Variants in AFF3 observed in about 807,000 individuals in gnomAD.
The protein encoded by AFF3 is AF4/FMR2 family member 3.
A neutral mutation model predicts 129.7 loss-of-function variants in AFF3; 32 were observed. The ratio of observed to expected loss-of-function variants is 0.25; its 90% CI spans 0.19 to 0.33. The LOEUF (loss-of-function observed/expected upper bound fraction) is 0.33, where lower values mean the gene tolerates loss of function less well. Ranked by LOEUF, AFF3 falls within the 10% of genes least tolerant of loss-of-function variation. AFF3 has a pLI of 1.00. For synonymous variants in AFF3, 644 were observed against 635.4 expected (o/e 1.01, Z -0.20); for missense variants, 1,373 against 1,592.0 (o/e 0.86, Z 2.34).
chr2:100,062,255 C>T (rs1332740915), intron 4 of AFF3, among the ~76,000 whole-genome samples: 1 of 152,176 alleles, frequency 6.6e-6, no homozygotes, highest in East Asian at 1.9e-4. Flanking sequence ...TGGAGGGGCC[C>T]AGCAGAGGAG....
chr2:99,727,902 A>G (rs951773101), intron 10 of AFF3, among the ~76,000 whole-genome samples: 1 of 152,138 alleles, frequency 6.6e-6, no homozygotes, highest in Non-Finnish European at 1.5e-5. Context: ...GTTGCACTGT[A>G]GGTCCCAAGA....
intron 4 of AFF3, among the ~76,000 whole-genome samples, chr2:100,024,619 A>T (rs1339677019): frequency 6.6e-6 from 1 of 151,790 alleles, no homozygotes; most frequent in African/African-American, 2.4e-5. Flanking sequence ...AAAAATAATA[A>T]TAATTATTAT....
chr2:99,718,895 T>C lies in AFF3; in HGVS notation c.1091+8182A>G, dbSNP rs942509296. Among the ~76,000 whole-genome samples, 8 of 151,648 alleles carry C rather than the reference T, an allele frequency of 5.3e-5. No homozygotes were observed. The East Asian group carries it at 1.6e-3, about 29-fold the overall frequency. ...CCTCCCGAGTAGCTGGGACTACAGGTGCCCGCCACCATGCCCGGCTAATTT... is the reference window on the plus strand; with the variant it reads ...CCTCCCGAGTAGCTGGGACTACAGGCGCCCGCCACCATGCCCGGCTAATTT... On this transcript the variant is annotated intron_variant, in intron 11 of 24. Coordinates refer to ENST00000672756, the MANE Select transcript of AFF3 (RefSeq NM_001386135.1).
chr2:100,007,693 G>A (rs548748731), intron 5 of AFF3: 31 of 538,822 alleles, frequency 5.8e-5, no homozygotes, highest in South Asian at 1.1e-4. Context: ...CTATCCGGCC[G>A]GGCGCGGTGG....
At chr2:99,959,761 G>C (rs1398489961) in intron 7 of AFF3, among the ~76,000 whole-genome samples, 1 of 150,710 alleles carries the variant, frequency 6.6e-6, no homozygotes, top group East Asian at 1.9e-4. Context: ...TCAGTCATGT[G>C]TTTCTCCCCT....
intron 8 of AFF3, among the ~76,000 whole-genome samples, chr2:99,803,580 AT>A: frequency 6.6e-6 from 1 of 152,202 alleles, no homozygotes; most frequent in Non-Finnish European, 1.5e-5. Flanking sequence ...AATAAAAAAA[AT>A]CCTAATATTC....
Position 99,678,827 on chromosome 2 carries a change from C to T in AFF3, c.1092-6238G>A, listed in dbSNP as rs113834327. On this transcript the variant is annotated intron_variant, in intron 11 of 24. Transcript: ENST00000672756. Reference sequence around the variant, plus strand: ...CAGTTATTCCCCAAGCCATCATCTCCACTGCTTGGAACACGGGAGGGAAAG... The same window carrying T: ...CAGTTATTCCCCAAGCCATCATCTCTACTGCTTGGAACACGGGAGGGAAAG... 6.9e-3 allele frequency among the ~76,000 whole-genome samples: 1,057 copies of T among 152,342 alleles called. 6 individuals carry two copies. Among genetic ancestry groups the T allele is most frequent in the South Asian group, 0.019 (93 of 4,830 alleles).
chr2:99,996,527 A>ATTTTTTTTTTTTTTTTTTTT (rs756231548), intron 7 of AFF3, among the ~76,000 whole-genome samples: 4 of 114,086 alleles, frequency 3.5e-5, no homozygotes, highest in African/African-American at 1.6e-4. Flanking sequence ...CGCCCGGCTA[A>ATTTTTTTTTTTTTTTTTTTT]TTTTTTTTTT....
chr2:100,128,329 G>A (rs1266508466), intron 2 of AFF3, among the ~76,000 whole-genome samples: 6 of 152,060 alleles, frequency 3.9e-5, no homozygotes, highest in African/African-American at 1.2e-4. Flanking sequence ...AGTCTGGATC[G>A]GGACCACTTT....
intron 8 of AFF3, among the ~76,000 whole-genome samples, chr2:99,789,470 A>G (rs931006581): frequency 6.7e-6 from 1 of 149,832 alleles, no homozygotes. Flanking sequence ...AAAAAAAAAA[A>G]GTAGTTGAGG....
At chr2:99,732,478 T>A (rs2105043044) in intron 10 of AFF3, among the ~76,000 whole-genome samples, 1 of 152,280 alleles carries the variant, frequency 6.6e-6, no homozygotes, top group African/African-American at 2.4e-5. Context: ...TTTCTAAACT[T>A]CATACGACTC....
chr2:99,630,458 A>G (rs1683020843), intron 13 of AFF3: 1 of 152,276 alleles, frequency 6.6e-6, no homozygotes. Context: ...AGGGAGAATC[A>G]ACAGGCATGC....
At chr2:100,015,940 G>A (rs1344937908) in intron 4 of AFF3, among the ~76,000 whole-genome samples, 1 of 151,986 alleles carries the variant, frequency 6.6e-6, no homozygotes, top group Non-Finnish European at 1.5e-5. Flanking sequence ...TGGTTATGAT[G>A]GTGGTGGTGG....
intron 11 of AFF3, among the ~76,000 whole-genome samples, chr2:99,719,982 A>G (rs1027491322): frequency 3.9e-5 from 6 of 152,200 alleles, no homozygotes; most frequent in African/African-American, 1.4e-4. Flanking sequence ...GCTTGCAGTG[A>G]GCTGAGATCG....
At chr2:99,947,017 T>G (rs111628878) in intron 7 of AFF3, among the ~76,000 whole-genome samples, 281 of 152,350 alleles carry the variant, frequency 1.8e-3, no homozygotes, top group Non-Finnish European at 2.9e-3. Flanking sequence ...AGATATATTA[T>G]TTGATTCGGT....
At chr2:99,801,992 C>T (rs1685977773) in intron 8 of AFF3, among the ~76,000 whole-genome samples, 1 of 152,112 alleles carries the variant, frequency 6.6e-6, no homozygotes, top group African/African-American at 2.4e-5. Flanking sequence ...CATATAATTA[C>T]ATAATTACTG....
chr2:99,931,671 G>C (rs1350220931), intron 7 of AFF3, among the ~76,000 whole-genome samples: 8 of 152,234 alleles, frequency 5.3e-5, no homozygotes, highest in African/African-American at 1.7e-4. Context: ...CACCTTGGGA[G>C]GCTGAGGCGT....
At chr2:99,825,528 C>G (rs1688013289) in intron 8 of AFF3, among the ~76,000 whole-genome samples, 1 of 152,182 alleles carries the variant, frequency 6.6e-6, no homozygotes, top group African/African-American at 2.4e-5. Flanking sequence ...CCAAGAACTG[C>G]TTTACACAGA....
chr2:99,641,698 C>T (rs1414756747), intron 13 of AFF3, among the ~76,000 whole-genome samples: 2 of 151,958 alleles, frequency 1.3e-5, no homozygotes, highest in Admixed American at 6.6e-5. Context: ...CAAAAAAGAA[C>T]ACGAAATGAA....
Sources: allele counts gnomAD v4.1 joint callset (sites outside exome capture counted in the v4.1 genomes callset), GRCh38; gene constraint gnomAD v4.1.1; transcripts MANE v1.5; gene names NCBI Gene and HGNC (gene_info 2026-07-23, HGNC 2026-07-21).